SRRM4: variants seen among roughly 807,000 people sequenced by gnomAD.
SRRM4 encodes the protein serine/arginine repetitive matrix 4.
In SRRM4, 33 loss-of-function variants were observed where a neutral mutation model predicts 68.9. That is an observed-to-expected ratio of 0.48 (90% CI 0.36 to 0.64). SRRM4 has a LOEUF of 0.64. Ranked by LOEUF, SRRM4 falls within the 30% of genes least tolerant of loss-of-function variation. The probability of loss-of-function intolerance (pLI) is 0.00; values close to 1 mark genes in which losing one functional copy is unlikely to be tolerated. For synonymous variants in SRRM4, 318 were observed against 318.8 expected (o/e 1.00, Z 0.03); for missense variants, 817 against 827.1 (o/e 0.99, Z 0.15).
intron 1 of SRRM4, among the ~76,000 whole-genome samples, chr12:119,081,929 T>G (rs1442141730): frequency 6.6e-6 from 1 of 152,200 alleles, no homozygotes; most frequent in African/African-American, 2.4e-5. Context: ...ATTCATGTAT[T>G]TATACCTTTA....
intron 8 of SRRM4, among the ~76,000 whole-genome samples, chr12:119,143,181 C>T (rs1954376845): frequency 6.6e-6 from 1 of 152,202 alleles, no homozygotes; most frequent in Admixed American, 6.5e-5. Context: ...ACATCCTGAC[C>T]ACAGGAGTTA....
intron 7 of SRRM4, among the ~76,000 whole-genome samples, chr12:119,129,320 A>G (rs7309398): frequency 0.56 from 84,528 of 152,058 alleles, 23,743 homozygotes; most frequent in South Asian, 0.63. Context: ...TGCAGAGTCT[A>G]AGCATGCCCT....
intron 6 of SRRM4, among the ~76,000 whole-genome samples, chr12:119,123,816 G>A (rs959979062): frequency 5.3e-5 from 8 of 152,140 alleles, no homozygotes; most frequent in South Asian, 2.1e-4. Context: ...CTGGCCTTGC[G>A]CTGGGCCCAA....
At chr12:119,113,805 T>TA (rs1032885852) in intron 2 of SRRM4, among the ~76,000 whole-genome samples, 1 of 152,176 alleles carries the variant, frequency 6.6e-6, no homozygotes, top group African/African-American at 2.4e-5. Flanking sequence ...CAATATAAGA[T>TA]ACGTATCTCG....
intron 1 of SRRM4, among the ~76,000 whole-genome samples, chr12:119,086,445 A>G (rs1419161473): frequency 6.6e-6 from 1 of 152,138 alleles, no homozygotes; most frequent in Non-Finnish European, 1.5e-5. Context: ...TCTTCACCCC[A>G]CCAGCCAAAT....
intron 2 of SRRM4, among the ~76,000 whole-genome samples, chr12:119,113,939 G>A (rs1235844283): frequency 6.6e-6 from 1 of 152,116 alleles, no homozygotes; most frequent in Non-Finnish European, 1.5e-5. Context: ...GGGGCTGAAC[G>A]GCTGATGAGT....
intron 1 of SRRM4, among the ~76,000 whole-genome samples, chr12:119,016,615 C>G (rs994067028): frequency 4.6e-5 from 7 of 152,152 alleles, no homozygotes; most frequent in Non-Finnish European, 4.4e-5. Context: ...CACTCGTTAC[C>G]CTGGGAAAGG....
intron 2 of SRRM4, among the ~76,000 whole-genome samples, chr12:119,112,982 A>T (rs1398735354): frequency 6.6e-6 from 1 of 151,768 alleles, no homozygotes. Flanking sequence ...AAAATTAAAA[A>T]AAAACAGCAC....
chr12:119,022,827 G>A (rs995305675), intron 1 of SRRM4, among the ~76,000 whole-genome samples: 2 of 152,178 alleles, frequency 1.3e-5, no homozygotes, highest in African/African-American at 4.8e-5. Flanking sequence ...AAGTCCAGAG[G>A]CAGAGTTGGT....
At chr12:119,047,369 G>T (rs990478804) in intron 1 of SRRM4, among the ~76,000 whole-genome samples, 3 of 151,930 alleles carry the variant, frequency 2.0e-5, no homozygotes, top group Admixed American at 2.0e-4. Context: ...TGGGGAACAG[G>T]TGGTGCTTGG....
intron 1 of SRRM4, among the ~76,000 whole-genome samples, chr12:118,984,802 A>G (rs546910801): frequency 2.0e-5 from 3 of 152,176 alleles, no homozygotes; most frequent in Non-Finnish European, 4.4e-5. Flanking sequence ...TCAGAACAGT[A>G]GAGCAGAGTG....
At chr12:119,019,655 C>A (rs1263690944) in intron 1 of SRRM4, among the ~76,000 whole-genome samples, 1 of 152,214 alleles carries the variant, frequency 6.6e-6, no homozygotes, top group Non-Finnish European at 1.5e-5. Flanking sequence ...GAACTCCCTT[C>A]TCTGCTCATG....
intron 1 of SRRM4, among the ~76,000 whole-genome samples, chr12:119,043,775 T>TAAACACACACACAC (rs375408738): frequency 7.1e-6 from 1 of 141,664 alleles, no homozygotes; most frequent in Non-Finnish European, 1.5e-5. Flanking sequence ...CATACACGCA[T>TAAACACACACACAC]ACACACACAC....
intron 1 of SRRM4, among the ~76,000 whole-genome samples, chr12:119,034,232 A>G (rs532553873): frequency 2.0e-4 from 30 of 152,326 alleles, no homozygotes; most frequent in Admixed American, 1.5e-3. Flanking sequence ...ACAAGAGGAC[A>G]GGGTTTTATT....
intron 1 of SRRM4, among the ~76,000 whole-genome samples, chr12:119,074,606 G>T (rs1237456415): frequency 6.6e-6 from 1 of 152,126 alleles, no homozygotes; most frequent in Non-Finnish European, 1.5e-5. Flanking sequence ...AGAATAAATT[G>T]CTGGGAGAAA....
chr12:119,066,998 C>T (rs1331144463), intron 1 of SRRM4, among the ~76,000 whole-genome samples: 2 of 152,344 alleles, frequency 1.3e-5, no homozygotes, highest in East Asian at 3.9e-4. Context: ...CCATCAAAGG[C>T]TCCCTGCTTC....
chr12:119,026,085 T>C (rs775800236), intron 1 of SRRM4, among the ~76,000 whole-genome samples: 5 of 151,954 alleles, frequency 3.3e-5, no homozygotes, highest in African/African-American at 4.8e-5. Flanking sequence ...TGGTTGAAGA[T>C]CTGGGCGGTA....
At chr12:119,049,939 G>A (rs531356982) in intron 1 of SRRM4, among the ~76,000 whole-genome samples, 1 of 152,118 alleles carries the variant, frequency 6.6e-6, no homozygotes, top group South Asian at 2.1e-4. Context: ...CATTTTAAAA[G>A]GTCCTATTTT....
chr12:119,072,057 TCA>T (rs148773060), intron 1 of SRRM4, among the ~76,000 whole-genome samples: 2,959 of 152,316 alleles, frequency 0.019, 46 homozygotes, highest in Middle Eastern at 0.078. Context: ...TCTCCAAGGC[TCA>T]GTTTCTTCAT....
Sources: allele counts gnomAD v4.1 joint callset (sites outside exome capture counted in the v4.1 genomes callset), GRCh38; gene constraint gnomAD v4.1.1; transcripts MANE v1.5; gene names NCBI Gene and HGNC (gene_info 2026-07-23, HGNC 2026-07-21).